The following LGMN variants were observed in gnomAD, a reference collection of about 807,000 sequenced individuals.
The protein encoded by LGMN is legumain, also known as asparaginyl endopeptidase.
LGMN carries 36 observed loss-of-function variants against 56.8 expected under a neutral mutation model. The observed-to-expected ratio is 0.63, with a 90% CI of 0.49 to 0.84. The LOEUF (loss-of-function observed/expected upper bound fraction) is 0.84. Ranked by LOEUF, LGMN falls within the 40% of genes least tolerant of loss-of-function variation. The pLI, the probability that LGMN is intolerant of heterozygous loss-of-function variation, is 0.00. For missense variants in LGMN, 446 were observed against 556.1 expected, an observed-to-expected ratio of 0.80 and a Z score of 1.99; for synonymous variants, 199 against 210.1, an observed-to-expected ratio of 0.95 and a Z score of 0.46.
intron 5 of LGMN, among the ~76,000 whole-genome samples, chr14:92,715,037 C>T (rs539981447): frequency 3.5e-5 from 5 of 140,858 alleles, no homozygotes; most frequent in South Asian, 2.2e-4. Flanking sequence ...CTTGCCCTGT[C>T]GCCCAGGCTG....
rs779337877 is a variant in LGMN at position 92,718,887 on chromosome 14, G to A, written c.139-43C>T. The stretch of plus-strand genomic sequence containing the variant: ...GTGAAGTTTTAGATCTTGCCTGGGA[G>A]GCCAATTTTGGAGTTCTAAGGAGTG... On this transcript the variant is annotated intron_variant, in intron 2 of 13. Transcript: ENST00000334869. 3.2e-5 allele frequency: 47 copies of A among 1,448,636 alleles called. No individual in the cohort carries two copies. The South Asian group carries it at 4.6e-4, about 14-fold the overall frequency. The allele number at this position is 1,448,636 out of a possible 1,614,324, so 89.7% of individuals were successfully genotyped here.
intron 5 of LGMN, 84 bp downstream of exon 5, chr14:92,716,052 G>A: frequency 1.1e-6 from 1 of 889,772 alleles, no homozygotes; most frequent in Non-Finnish European, 1.8e-6. Flanking sequence ...ACAGGCTAGG[G>A]GCACAGAACA....
intron 1 of LGMN, among the ~76,000 whole-genome samples, chr14:92,738,325 C>T (rs2140273987): frequency 6.6e-6 from 1 of 150,812 alleles, no homozygotes; most frequent in African/African-American, 2.4e-5. Context: ...GTTGCCCAGG[C>T]TGGAGTGCAG....
At chr14:92,732,201 G>A (rs1298525484) in intron 2 of LGMN, among the ~76,000 whole-genome samples, 1 of 152,146 alleles carries the variant, frequency 6.6e-6, no homozygotes, top group Non-Finnish European at 1.5e-5. Context: ...TGGGTGATCT[G>A]GCTCCCTGGG....
At chr14:92,718,694 T>C in intron 3 of LGMN, 53 bp downstream of exon 3, 2 of 1,252,254 alleles carry the variant, frequency 1.6e-6, no homozygotes, top group Non-Finnish European at 2.3e-6. Context: ...TGTGACCTTT[T>C]TTTAAATACC....
At position 92,718,854 on chromosome 14, in the gene LGMN, A is replaced by G; in HGVS notation, c.139-10T>C. Reference sequence around the variant, plus strand: ...CATGGCACGCGTCTGCCTGGGAGAAATGATTTGGTGAAGTTTTAGATCTTG... The same window carrying G: ...CATGGCACGCGTCTGCCTGGGAGAAGTGATTTGGTGAAGTTTTAGATCTTG... On this transcript the variant is annotated splice_polypyrimidine_tract_variant and intron_variant, in intron 2 of 13. Transcript: ENST00000334869. 1 of 1,608,456 alleles carries G rather than the reference A, an allele frequency of 6.2e-7. No homozygotes were observed. Among genetic ancestry groups the G allele is most frequent in the Middle Eastern group, 1.7e-4 (1 of 6,046 alleles).
chr14:92,705,043 G>T, intron 12 of LGMN: 1 of 277,226 alleles, frequency 3.6e-6, no homozygotes. Context: ...ATTCTGGGAG[G>T]GACACGCCAG....
chr14:92,712,531 G>A (rs550021291), intron 8 of LGMN, among the ~76,000 whole-genome samples: 2 of 147,978 alleles, frequency 1.4e-5, no homozygotes, highest in South Asian at 4.2e-4. Flanking sequence ...TGCAAAGGAT[G>A]GAGGCTAGTC....
chr14:92,745,391 G>A (rs1891772204), intron 1 of LGMN, among the ~76,000 whole-genome samples: 1 of 152,114 alleles, frequency 6.6e-6, no homozygotes, highest in African/African-American at 2.4e-5. Context: ...TTAACCTATA[G>A]AAATGTACAA....
At chr14:92,709,220 ACCTCAAAGT>A (rs1889606913) in intron 11 of LGMN, among the ~76,000 whole-genome samples, 2 of 151,748 alleles carry the variant, frequency 1.3e-5, no homozygotes, top group Admixed American at 1.3e-4. Flanking sequence ...GCCCAAGCTG[ACCTCAAAGT>A]CCCAGACTCA....
In LGMN at chr14:92,724,004, T is replaced by C. The variant is rs151178062; in HGVS notation, c.139-5160A>G. Among the ~76,000 whole-genome samples, 721 of 152,278 alleles carry C rather than the reference T, an allele frequency of 4.7e-3. 8 individuals are homozygous for C. The highest frequency in any genetic ancestry group is 0.017 in the African/African-American group (701 of 41,566). ...GCCTTGGCTTCCCAAAGTGCTGGGATTATAGGTGTGAGCCACCACCCGGCC... is the reference window on the plus strand; with the variant it reads ...GCCTTGGCTTCCCAAAGTGCTGGGACTATAGGTGTGAGCCACCACCCGGCC... On this transcript the variant is annotated intron_variant, in intron 2 of 13. Coordinates refer to ENST00000334869, the MANE Select transcript of LGMN (RefSeq NM_005606.7).
chr14:92,740,702 G>T (rs1891510945), intron 1 of LGMN, among the ~76,000 whole-genome samples: 1 of 152,170 alleles, frequency 6.6e-6, no homozygotes, highest in African/African-American at 2.4e-5. Flanking sequence ...GCACTGGTGG[G>T]CTTGCTGCAT....
intron 2 of LGMN, among the ~76,000 whole-genome samples, chr14:92,721,911 C>T (rs972858474): frequency 2.0e-5 from 3 of 152,210 alleles, no homozygotes; most frequent in Admixed American, 6.5e-5. Flanking sequence ...TAAAAATACG[C>T]AAACAAGTAC....
At chr14:92,713,797 C>T (rs896873744) in intron 7 of LGMN, 26 bp downstream of exon 7, 1 of 1,583,810 alleles carries the variant, frequency 6.3e-7, no homozygotes, top group Non-Finnish European at 8.7e-7. Flanking sequence ...CCCGCCCCCA[C>T]AAGGCTGCCC....
chr14:92,732,442 C>T, intron 2 of LGMN: 1 of 547,372 alleles, frequency 1.8e-6, no homozygotes, highest in Non-Finnish European at 3.2e-6. Flanking sequence ...AACTGTTTTC[C>T]AAAATGGCTA....
chr14:92,704,598 G>A (rs756325541), intron 13 of LGMN, 42 bp downstream of exon 13: 1 of 1,527,994 alleles, frequency 6.5e-7, no homozygotes, highest in Non-Finnish European at 9.1e-7. Context: ...TCTGCTTTCA[G>A]AATGACATCG....
intron 2 of LGMN, among the ~76,000 whole-genome samples, chr14:92,721,753 G>T (rs1040750426): frequency 1.3e-5 from 2 of 152,000 alleles, no homozygotes; most frequent in Non-Finnish European, 2.9e-5. Flanking sequence ...GTCAACAGCT[G>T]GAAAAATAAA....
intron 2 of LGMN, among the ~76,000 whole-genome samples, chr14:92,720,599 G>A (rs140644827): frequency 1.1e-4 from 16 of 152,310 alleles, no homozygotes; most frequent in East Asian, 3.9e-4. Flanking sequence ...TGCGGGAGGC[G>A]GCGGTTGCAG....
chr14:92,723,897 A>G (rs1890617864), intron 2 of LGMN, among the ~76,000 whole-genome samples: 1 of 152,080 alleles, frequency 6.6e-6, no homozygotes, highest in Non-Finnish European at 1.5e-5. Context: ...ACGCCCAGCT[A>G]ATTTTTGTAT....
Sources: gnomAD v4.1 joint callset for allele counts (sites outside exome capture counted in the v4.1 genomes callset) on GRCh38, gnomAD v4.1.1 for gene constraint, MANE v1.5 for transcripts, NCBI Gene and HGNC (gene_info 2026-07-23, HGNC 2026-07-21) for gene names.